The following EML4 variants were observed in gnomAD, a reference collection of about 807,000 sequenced individuals.
The protein encoded by EML4 is EMAP like 4.
Under a neutral mutation model 129.0 loss-of-function variants are expected in EML4, and 72 were observed. The observed-to-expected ratio is 0.56, with a 90% CI of 0.46 to 0.68. EML4 has a LOEUF of 0.68. EML4 is among the 30% of genes least tolerant of loss of function. The pLI is 0.00. For missense variants in EML4, 1,363 were observed against 1,190.6 expected, an observed-to-expected ratio of 1.14 and a Z score of -2.13; for synonymous variants, 532 against 405.0, an observed-to-expected ratio of 1.31 and a Z score of -3.77.
intron 1 of EML4, among the ~76,000 whole-genome samples, chr2:42,201,508 C>T (rs1672232883): frequency 6.6e-6 from 1 of 152,082 alleles, no homozygotes; most frequent in Admixed American, 6.6e-5. Context: ...AGTATATATC[C>T]AAAGGAATTG....
intron 1 of EML4, among the ~76,000 whole-genome samples, chr2:42,218,840 AT>A (rs1464739765): frequency 6.6e-6 from 1 of 152,030 alleles, no homozygotes; most frequent in Non-Finnish European, 1.5e-5. Flanking sequence ...TCTTTTTTTA[AT>A]TTTAAAGAGA....
intron 17 of EML4, among the ~76,000 whole-genome samples, chr2:42,307,973 G>T (rs1412898130): frequency 1.3e-5 from 2 of 152,150 alleles, no homozygotes; most frequent in Non-Finnish European, 2.9e-5. Flanking sequence ...TTTTCTAGTA[G>T]AATGCAACAC....
intron 1 of EML4, among the ~76,000 whole-genome samples, chr2:42,203,635 C>T (rs1672364220): frequency 8.6e-6 from 1 of 116,834 alleles, no homozygotes; most frequent in Non-Finnish European, 1.7e-5. Context: ...ACTTTATAGC[C>T]ACCCCTTTTT....
chr2:42,230,157 C>G (rs1674240741), intron 1 of EML4, among the ~76,000 whole-genome samples: 1 of 152,114 alleles, frequency 6.6e-6, no homozygotes, highest in Non-Finnish European at 1.5e-5. Context: ...TTTATCCTGT[C>G]TTTGCTGCTT....
At chr2:42,224,067 A>G (rs1673792842) in intron 1 of EML4, among the ~76,000 whole-genome samples, 2 of 152,092 alleles carry the variant, frequency 1.3e-5, no homozygotes, top group African/African-American at 4.8e-5. Flanking sequence ...TTTGAGATAT[A>G]ATTCACATGC....
At chr2:42,306,651 G>A (rs1215440422) in intron 17 of EML4, among the ~76,000 whole-genome samples, 22 of 131,564 alleles carry the variant, frequency 1.7e-4, no homozygotes, top group Admixed American at 1.5e-3. Flanking sequence ...CTGCCACCAC[G>A]CCTGGCTAAT....
At chr2:42,208,414 C>T (rs1572545218) in intron 1 of EML4, among the ~76,000 whole-genome samples, 1 of 149,246 alleles carries the variant, frequency 6.7e-6, no homozygotes, top group South Asian at 2.1e-4. Context: ...TTTTAGAAAC[C>T]TACTCCTTTA....
At chr2:42,288,990 C>G (rs777616854) in intron 11 of EML4, 1 of 152,182 alleles carries the variant, frequency 6.6e-6, no homozygotes, top group African/African-American at 2.4e-5. Flanking sequence ...TTGCCATACT[C>G]TTAAATAACA....
Position 42,315,965 on chromosome 2 carries a change from G to T in EML4, c.1971G>T (p.Trp657Cys). 2 of 1,610,736 alleles carry T rather than the reference G, an allele frequency of 1.2e-6. No individual in the cohort carries two copies. Among genetic ancestry groups the T allele is most frequent in the Non-Finnish European group, 1.7e-6 (2 of 1,177,910 alleles). The change falls in exon 18 of 23, where the codon TGG becomes TGT. Residue 657 changes from tryptophan (W) to cysteine (C), a missense_variant. Trp to Cys is a radical substitution (Grantham distance 215). Coordinates refer to ENST00000318522, the MANE Select transcript of EML4 (RefSeq NM_019063.5). ...VVAIGTHSGR[W>C]FVLDAETRDL... ...TTTGATTTTTACTTCTTAACAGGTGGTTTGTTCTGGATGCAGAAACCAGAG... is the reference window on the plus strand; with the variant it reads ...TTTGATTTTTACTTCTTAACAGGTGTTTTGTTCTGGATGCAGAAACCAGAG...
chr2:42,192,967 G>A (rs1162997957), intron 1 of EML4, among the ~76,000 whole-genome samples: 1 of 152,158 alleles, frequency 6.6e-6, no homozygotes, highest in Non-Finnish European at 1.5e-5. Flanking sequence ...AGGTAGTATA[G>A]TGTATGTCAG....
intron 9 of EML4, chr2:42,285,899 G>A (rs184034507): frequency 1.9e-4 from 42 of 222,660 alleles, no homozygotes; most frequent in South Asian, 2.1e-4. Flanking sequence ...GTGCCTGGCC[G>A]ACTCAACCTT....
At chr2:42,223,810 T>C (rs1673774970) in intron 1 of EML4, among the ~76,000 whole-genome samples, 1 of 152,174 alleles carries the variant, frequency 6.6e-6, no homozygotes, top group South Asian at 2.1e-4. Flanking sequence ...GGCTCTAGGC[T>C]ATATTATGAA....
chr2:42,233,685 CTCATTGTTAATTATATTCATTAACT>C (rs1413633487), intron 1 of EML4, among the ~76,000 whole-genome samples: 1 of 152,064 alleles, frequency 6.6e-6, no homozygotes, highest in Non-Finnish European at 1.5e-5. Context: ...AAAAATGATT[CTCATTGTTAATTATATTCATTAACT>C]TAGCAAAATG....
At chr2:42,263,474 G>A (rs1384410010) in intron 5 of EML4, among the ~76,000 whole-genome samples, 168 bp downstream of exon 5, 1 of 127,614 alleles carries the variant, frequency 7.8e-6, no homozygotes, top group African/African-American at 3.0e-5. Flanking sequence ...GCACCATCTT[G>A]GCTCACTGCA....
At chr2:42,313,951 C>G (rs987628920) in intron 17 of EML4, among the ~76,000 whole-genome samples, 1 of 149,400 alleles carries the variant, frequency 6.7e-6, no homozygotes, top group African/African-American at 2.5e-5. Flanking sequence ...AAAAAAAAAG[C>G]CTACCATCAC....
chr2:42,229,823 C>G (rs1188893996), intron 1 of EML4, among the ~76,000 whole-genome samples: 1 of 151,378 alleles, frequency 6.6e-6, no homozygotes, highest in Non-Finnish European at 1.5e-5. Flanking sequence ...ATAGGAATAA[C>G]AAAAATATAC....
At chr2:42,233,499 G>C (rs983870900) in intron 1 of EML4, among the ~76,000 whole-genome samples, 4 of 151,386 alleles carry the variant, frequency 2.6e-5, no homozygotes, top group Admixed American at 6.6e-5. Flanking sequence ...AGTAGAGACG[G>C]GGTTTCACCA....
At chr2:42,266,818 A>G (rs557809488) in intron 6 of EML4, among the ~76,000 whole-genome samples, 9 of 152,282 alleles carry the variant, frequency 5.9e-5, no homozygotes, top group Admixed American at 5.9e-4. Flanking sequence ...TAGTAACTAT[A>G]AAGCTTATTT....
At position 42,263,258 on chromosome 2, in the gene EML4, T is replaced by G. The variant is rs765784924; in HGVS notation, c.593T>G (p.Ile198Arg). ...SDDSRNKLSKIPSTPKLIPKV... is the reference protein window; with the variant it reads ...SDDSRNKLSKRPSTPKLIPKV... ...GATAGCCGTAATAAATTGTCGAAAATACCTTCAACACCCAAATTAATACCA... is the reference window on the plus strand; with the variant it reads ...GATAGCCGTAATAAATTGTCGAAAAGACCTTCAACACCCAAATTAATACCA... Residue 198 changes from isoleucine to arginine, a missense_variant, in exon 5 of 23, where the codon ATA (isoleucine) becomes AGA (arginine). By Grantham distance (97) the Ile-to-Arg change is moderately conservative. Coordinates refer to ENST00000318522, the MANE Select transcript of EML4 (RefSeq NM_019063.5). The G allele has an allele frequency of 6.2e-7, 1 of 1,613,398 alleles. No homozygotes were observed. The highest frequency in any genetic ancestry group is 8.5e-7 in the Non-Finnish European group (1 of 1,179,798).
Sources: gnomAD v4.1 joint callset for allele counts (sites outside exome capture counted in the v4.1 genomes callset) on GRCh38, gnomAD v4.1.1 for gene constraint, MANE v1.5 for transcripts, NCBI Gene and HGNC (gene_info 2026-07-23, HGNC 2026-07-21) for gene names.